The following CHLSN variants were observed in gnomAD, a reference collection of about 807,000 sequenced individuals.
CHLSN encodes protein cholesin.
the CHLSN span, chr7:1,081,993 G>A: frequency 6.6e-6 from 1 of 152,342 alleles, no homozygotes; most frequent in Middle Eastern, 3.4e-3. Flanking sequence ...CGCGAACGGG[G>A]ACAGCACCTG....
At chr7:1,115,910 G>GGAT in the CHLSN span, among the ~76,000 whole-genome samples, 26 of 115,876 alleles carry the variant, frequency 2.2e-4, no homozygotes, top group East Asian at 5.1e-3. Flanking sequence ...CGCCCACGCA[G>GGAT]GATGACATCA....
chr7:1,070,340 G>C, the CHLSN span, among the ~76,000 whole-genome samples: 1 of 138,134 alleles, frequency 7.2e-6, no homozygotes, highest in Non-Finnish European at 1.6e-5. Flanking sequence ...CAGCCGTGCC[G>C]TCCGGGAGGG....
chr7:1,028,503 G>A, the CHLSN span: 1 of 985,184 alleles, frequency 1.0e-6, no homozygotes, highest in South Asian at 4.7e-5. Flanking sequence ...GAGAAGGCGG[G>A]GGTGGACCCT....
At chr7:1,091,414 G>A in the CHLSN span, 3 of 303,558 alleles carry the variant, frequency 9.9e-6, no homozygotes, top group African/African-American at 6.4e-5. Context: ...CAGGTACCCA[G>A]AGAGTGAGCA....
chr7:1,124,571 G>C, the CHLSN span, among the ~76,000 whole-genome samples: 1 of 106,994 alleles, frequency 9.3e-6, no homozygotes, highest in Non-Finnish European at 1.8e-5. Context: ...GGGGGTGGGG[G>C]GGGAGGGGGG....
the CHLSN span, among the ~76,000 whole-genome samples, chr7:1,105,268 C>T: frequency 3.7e-4 from 57 of 152,314 alleles, no homozygotes; most frequent in African/African-American, 1.3e-3. Context: ...ACATGCCCTT[C>T]GAACGCCAAG....
At chr7:991,640 G>A in the CHLSN span, among the ~76,000 whole-genome samples, 3 of 152,240 alleles carry the variant, frequency 2.0e-5, no homozygotes, top group South Asian at 2.1e-4. Flanking sequence ...GGCTTGGCAC[G>A]GATGGGACAG....
At chr7:1,048,767 G>C in the CHLSN span, among the ~76,000 whole-genome samples, 1 of 152,226 alleles carries the variant, frequency 6.6e-6, no homozygotes, top group South Asian at 2.1e-4. Flanking sequence ...CCCTGCTATG[G>C]CCATGGTCTC....
At chr7:991,490 G>A in the CHLSN span, among the ~76,000 whole-genome samples, 5 of 151,586 alleles carry the variant, frequency 3.3e-5, no homozygotes, top group East Asian at 1.9e-4. Context: ...CAGGAGGGAA[G>A]GGGGGGGCCG....
At chr7:997,007 G>A in the CHLSN span, 2 of 152,356 alleles carry the variant, frequency 1.3e-5, no homozygotes, top group Non-Finnish European at 1.5e-5. Flanking sequence ...ACCCACGGCT[G>A]CTGCTGGGTC....
the CHLSN span, among the ~76,000 whole-genome samples, chr7:1,075,608 C>CT: frequency 0.062 from 8,484 of 136,294 alleles, 415 homozygotes; most frequent in African/African-American, 0.13. Context: ...AATCGGGTCA[C>CT]TTTTTTTTTT....
the CHLSN span, among the ~76,000 whole-genome samples, chr7:996,460 G>A: frequency 6.6e-6 from 1 of 152,228 alleles, no homozygotes; most frequent in Non-Finnish European, 1.5e-5. Context: ...GGGGAGCACT[G>A]AGACGGCAGC....
chr7:1,091,652 C>G, the CHLSN span: 1 of 1,084,450 alleles, frequency 9.2e-7, no homozygotes, highest in Non-Finnish European at 1.3e-6. Flanking sequence ...ACGCTTCTTT[C>G]TAAAGATGGA....
the CHLSN span, chr7:986,390 G>A: frequency 3.5e-6 from 2 of 574,848 alleles, no homozygotes; most frequent in Non-Finnish European, 6.2e-6. Flanking sequence ...GATGGAAGGA[G>A]GTCCTGCTGT....
At chr7:1,047,622 T>C in the CHLSN span, among the ~76,000 whole-genome samples, 2 of 152,250 alleles carry the variant, frequency 1.3e-5, no homozygotes, top group Non-Finnish European at 2.9e-5. Context: ...TTTTGATTGT[T>C]CTAGAATATT....
the CHLSN span, chr7:1,028,535 C>A: frequency 1.0e-6 from 1 of 985,118 alleles, no homozygotes; most frequent in Non-Finnish European, 1.2e-6. Context: ...CACTGCTCCT[C>A]CGACGAGGCT....
the CHLSN span, among the ~76,000 whole-genome samples, chr7:1,084,290 C>T: frequency 2.6e-5 from 4 of 152,244 alleles, no homozygotes; most frequent in African/African-American, 7.2e-5. Context: ...GGGACGCCAG[C>T]GATGCCCTCC....
chr7:1,048,443 C>T, the CHLSN span, among the ~76,000 whole-genome samples: 1 of 152,272 alleles, frequency 6.6e-6, no homozygotes, highest in Admixed American at 6.5e-5. Flanking sequence ...CTCTCTCACA[C>T]ACACATACAG....
the CHLSN span, among the ~76,000 whole-genome samples, chr7:1,041,347 C>CA: frequency 4.3e-4 from 45 of 105,216 alleles, no homozygotes; most frequent in African/African-American, 8.5e-4. Context: ...GTCCGCGCTG[C>CA]GGGGAAGGGG....
Sources: gnomAD v4.1 joint callset for allele counts (sites outside exome capture counted in the v4.1 genomes callset) on GRCh38, gnomAD v4.1.1 for gene constraint, MANE v1.5 for transcripts, NCBI Gene and HGNC (gene_info 2026-07-23, HGNC 2026-07-21) for gene names.